RPN1: variants seen among roughly 807,000 people sequenced by gnomAD.
The protein encoded by RPN1 is dolichyl-diphosphooligosaccharide--protein glycosyltransferase subunit 1.
Under a neutral mutation model 55.5 loss-of-function variants are expected in RPN1, and 12 were observed. That is an observed-to-expected ratio of 0.22 (90% CI 0.14 to 0.35). The LOEUF (loss-of-function observed/expected upper bound fraction) is 0.35. RPN1 is among the 10% of genes least tolerant of loss of function. RPN1 has a pLI of 1.00. For synonymous variants in RPN1, 317 were observed against 305.9 expected (o/e 1.04, Z -0.38); for missense variants, 679 against 761.3 (o/e 0.89, Z 1.27).
intron 2 of RPN1, among the ~76,000 whole-genome samples, chr3:128,640,475 A>G (rs1384745641): frequency 6.6e-6 from 1 of 152,216 alleles, no homozygotes; most frequent in South Asian, 2.1e-4. Flanking sequence ...TCTTCTCCTC[A>G]GGACAGTCTT....
chr3:128,629,774 A>G (rs1267975648), intron 5 of RPN1, among the ~76,000 whole-genome samples, 177 bp downstream of exon 5: 2 of 152,200 alleles, frequency 1.3e-5, no homozygotes, highest in East Asian at 3.8e-4. Context: ...TATCAAATGC[A>G]TGTATTACTT....
Position 128,620,275 on chromosome 3 carries a change from TG to T in RPN1, c.*135del. On this transcript the variant is annotated 3_prime_UTR_variant, in exon 10 of 10. Coordinates refer to ENST00000296255, the MANE Select transcript of RPN1 (RefSeq NM_002950.4). ...AACTCACACTGCCTGACGCAGGGCC[TG>T]GTTTCTCTTCCTTGAAGGCCTTTTA... 1.7e-6 allele frequency: 1 copy of T among 586,240 alleles called. No individual in the cohort carries two copies. The highest frequency in any genetic ancestry group is 2.7e-6 in the Non-Finnish European group (1 of 371,360). The allele number at this position is 586,240 out of a possible 1,614,324, so 36.3% of individuals were successfully genotyped here.
At chr3:128,634,951 T>TC (rs747177276) in intron 3 of RPN1, among the ~76,000 whole-genome samples, 1 of 152,088 alleles carries the variant, frequency 6.6e-6, no homozygotes, top group Non-Finnish European at 1.5e-5. Flanking sequence ...GAAAATCAAA[T>TC]CAGTGTCCCA....
intron 1 of RPN1, among the ~76,000 whole-genome samples, chr3:128,649,259 G>A (rs988235616): frequency 6.6e-6 from 1 of 152,142 alleles, no homozygotes; most frequent in African/African-American, 2.4e-5. Flanking sequence ...GATAAAATAA[G>A]TACATTAACC....
intron 3 of RPN1, 79 bp downstream of exon 3, chr3:128,637,720 C>A: frequency 6.9e-7 from 1 of 1,459,070 alleles, no homozygotes; most frequent in Non-Finnish European, 9.4e-7. Context: ...CCACACCACC[C>A]AAGCCTATCA....
chr3:128,630,258 A>G, intron 4 of RPN1, 115 bp from the exon 5 acceptor site: 2 of 595,198 alleles, frequency 3.4e-6, no homozygotes, highest in Non-Finnish European at 5.6e-6. Context: ...CTTAATTAAA[A>G]TAGTCCCCAA....
intron 4 of RPN1, among the ~76,000 whole-genome samples, chr3:128,631,639 G>C (rs565590556): frequency 6.6e-6 from 1 of 152,300 alleles, no homozygotes; most frequent in African/African-American, 2.4e-5. Flanking sequence ...CTATTCAGGA[G>C]TCTGAGGCAG....
chr3:128,631,081 C>A (rs1399088604), intron 4 of RPN1, among the ~76,000 whole-genome samples: 1 of 147,252 alleles, frequency 6.8e-6, no homozygotes, highest in Admixed American at 6.9e-5. Context: ...CCACTACACT[C>A]CAGCCTGGGC....
intron 8 of RPN1, among the ~76,000 whole-genome samples, chr3:128,624,901 C>T (rs2069587952): frequency 6.6e-6 from 1 of 152,172 alleles, no homozygotes; most frequent in Non-Finnish European, 1.5e-5. Flanking sequence ...CTGTGCTCAT[C>T]TCCTCCACCA....
At chr3:128,625,793 G>A (rs2107713857) in intron 7 of RPN1, 81 bp downstream of exon 7, 2 of 1,554,642 alleles carry the variant, frequency 1.3e-6, no homozygotes, top group Non-Finnish European at 1.8e-6. Context: ...AGCCCAAGGA[G>A]GGACAGAAGG....
intron 1 of RPN1, among the ~76,000 whole-genome samples, chr3:128,649,807 C>T (rs190513784): frequency 2.8e-4 from 43 of 152,286 alleles, no homozygotes; most frequent in Admixed American, 2.5e-3. Context: ...GAAAATTGGA[C>T]TTTCCTTTTC....
At chr3:128,623,932 C>G (rs2069579234) in intron 8 of RPN1, among the ~76,000 whole-genome samples, 1 of 151,976 alleles carries the variant, frequency 6.6e-6, no homozygotes, top group African/African-American at 2.4e-5. Context: ...CTCAACTATT[C>G]AAGGGTAAAG....
At chr3:128,644,202 A>C (rs954640262) in intron 2 of RPN1, among the ~76,000 whole-genome samples, 1 of 152,208 alleles carries the variant, frequency 6.6e-6, no homozygotes, top group Non-Finnish European at 1.5e-5. Context: ...TGGAACCAGG[A>C]GGGAGAACTG....
At chr3:128,646,439 C>CT (rs1440908764) in intron 1 of RPN1, among the ~76,000 whole-genome samples, 1 of 151,420 alleles carries the variant, frequency 6.6e-6, no homozygotes, top group Admixed American at 6.6e-5. Flanking sequence ...TCCCAGCACT[C>CT]TGACAGGCAG....
intron 2 of RPN1, chr3:128,642,415 G>A (rs2069732809): frequency 6.6e-6 from 1 of 152,152 alleles, no homozygotes; most frequent in African/African-American, 2.4e-5. Flanking sequence ...AAAAAAGGTG[G>A]CCAGGTAGTG....
chr3:128,647,300 T>A (rs192990716), intron 1 of RPN1, among the ~76,000 whole-genome samples: 1 of 152,128 alleles, frequency 6.6e-6, no homozygotes, highest in Non-Finnish European at 1.5e-5. Context: ...TTTTAAAATA[T>A]ATCAAAAAGC....
At chr3:128,648,256 G>A (rs147520647) in intron 1 of RPN1, among the ~76,000 whole-genome samples, 203 of 152,218 alleles carry the variant, frequency 1.3e-3, no homozygotes, top group African/African-American at 4.7e-3. Flanking sequence ...TTAGCTGGGC[G>A]TGGCAGCACG....
At chr3:128,629,764 T>A (rs1211501763) in intron 5 of RPN1, among the ~76,000 whole-genome samples, 187 bp downstream of exon 5, 1 of 152,180 alleles carries the variant, frequency 6.6e-6, no homozygotes, top group East Asian at 1.9e-4. Context: ...TCGGATTGAC[T>A]ATCAAATGCA....
intron 2 of RPN1, among the ~76,000 whole-genome samples, chr3:128,638,605 G>A (rs980676205): frequency 2.0e-5 from 3 of 151,984 alleles, no homozygotes; most frequent in Non-Finnish European, 2.9e-5. Context: ...TCAGCCTCCC[G>A]AGTAGCTGGG....
Sources: allele counts gnomAD v4.1 joint callset (sites outside exome capture counted in the v4.1 genomes callset), GRCh38; gene constraint gnomAD v4.1.1; transcripts MANE v1.5; gene names NCBI Gene and HGNC (gene_info 2026-07-23, HGNC 2026-07-21).